DIP2C: variants seen among roughly 807,000 people sequenced by gnomAD.
The protein encoded by DIP2C is DIP2 acetate--CoA ligase C (putative).
DIP2C carries 33 observed loss-of-function variants against 192.4 expected under a neutral mutation model. The ratio of observed to expected loss-of-function variants is 0.17; its 90% CI spans 0.13 to 0.23. The LOEUF (loss-of-function observed/expected upper bound fraction) is 0.23. Among genes scored for constraint, DIP2C ranks in the 10% least tolerant of loss-of-function variants. The pLI is 1.00. For missense variants in DIP2C, 1,537 were observed against 2,110.1 expected (o/e 0.73, Z 5.32); for synonymous variants, 979 against 864.1 (o/e 1.13, Z -2.33).
At position 387,869 on chromosome 10, in the gene DIP2C, T is replaced by C. The variant is rs546980722; in HGVS notation, c.1598-60A>G. ...AGGACAGGGCGGCAACAGATCAAAA[T>C]GCAAACAAAATCCAATATTGCATCA... On this transcript the variant is annotated intron_variant, in intron 13 of 36. Coordinates refer to ENST00000280886, the MANE Select transcript of DIP2C (RefSeq NM_014974.3). 8 of 1,547,858 alleles carry C rather than the reference T, an allele frequency of 5.2e-6. No individual in the cohort carries two copies. In the Admixed American group the frequency reaches 1.0e-4, roughly 19 times the overall value.
chr10:557,960 C>T (rs933601080), intron 1 of DIP2C, among the ~76,000 whole-genome samples: 1 of 151,738 alleles, frequency 6.6e-6, no homozygotes. Flanking sequence ...GGGCTGGAGG[C>T]AGGAGGGATG....
chr10:612,925 T>C (rs770351485), intron 1 of DIP2C, among the ~76,000 whole-genome samples: 2 of 152,172 alleles, frequency 1.3e-5, no homozygotes, highest in Non-Finnish European at 2.9e-5. Context: ...TAAATGCATG[T>C]AAAATTTTAA....
chr10:417,613 T>TCCAC (rs1965735006), intron 6 of DIP2C, among the ~76,000 whole-genome samples: 1 of 149,910 alleles, frequency 6.7e-6, no homozygotes, highest in African/African-American at 2.5e-5. Flanking sequence ...GGCATCCCTG[T>TCCAC]CTGCCTGCGC....
chr10:293,961 C>T (rs1022221044), intron 32 of DIP2C, among the ~76,000 whole-genome samples: 1 of 152,140 alleles, frequency 6.6e-6, no homozygotes, highest in Admixed American at 6.5e-5. Context: ...AAATGAGCAA[C>T]GAGAGAAAAC....
chr10:419,012 C>T (rs1019399737), intron 6 of DIP2C, 53 bp downstream of exon 6: 26 of 1,611,880 alleles, frequency 1.6e-5, no homozygotes, highest in East Asian at 1.6e-4. Flanking sequence ...CGGAACGGGA[C>T]GTCAGCACAA....
At chr10:417,675 G>GCTCAA (rs1965768381) in intron 6 of DIP2C, among the ~76,000 whole-genome samples, 2 of 119,548 alleles carry the variant, frequency 1.7e-5, no homozygotes, top group African/African-American at 6.5e-5. Flanking sequence ...TCAGGGCTCG[G>GCTCAA]ATAGGCCTCC....
At chr10:593,297 C>T (rs1851508202) in intron 1 of DIP2C, among the ~76,000 whole-genome samples, 2 of 152,184 alleles carry the variant, frequency 1.3e-5, no homozygotes, top group Non-Finnish European at 2.9e-5. Flanking sequence ...AGCCTGCAAA[C>T]ACCCACGCCC....
intron 1 of DIP2C, among the ~76,000 whole-genome samples, chr10:491,036 C>CA (rs1844404375): frequency 6.6e-6 from 1 of 152,322 alleles, no homozygotes. Flanking sequence ...GTCTGCCTGG[C>CA]AAACGCAGGG....
intron 32 of DIP2C, among the ~76,000 whole-genome samples, chr10:302,256 C>G (rs72772832): frequency 0.014 from 2,172 of 152,244 alleles, 31 homozygotes; most frequent in Non-Finnish European, 0.022. Context: ...CCTAATGACT[C>G]TAGGAGTGGC....
intron 22 of DIP2C, among the ~76,000 whole-genome samples, chr10:360,374 G>T (rs979572793): frequency 3.3e-5 from 5 of 152,220 alleles, no homozygotes; most frequent in Admixed American, 3.3e-4. Context: ...CTACAGAGTT[G>T]AGAGGAATCC....
chr10:290,987 A>T (rs1955466018), intron 32 of DIP2C, among the ~76,000 whole-genome samples: 1 of 152,252 alleles, frequency 6.6e-6, no homozygotes, highest in Non-Finnish European at 1.5e-5. Context: ...GAGTTATAAA[A>T]GTGATGGGCA....
intron 1 of DIP2C, among the ~76,000 whole-genome samples, chr10:530,378 G>A (rs1000818655): frequency 6.6e-6 from 1 of 152,148 alleles, no homozygotes; most frequent in Non-Finnish European, 1.5e-5. Context: ...TGCCCATTTT[G>A]TAACTGCTGT....
intron 4 of DIP2C, among the ~76,000 whole-genome samples, chr10:423,639 C>T (rs1966366348): frequency 6.6e-6 from 1 of 152,016 alleles, no homozygotes; most frequent in South Asian, 2.1e-4. Flanking sequence ...TGATTTATTT[C>T]TACATTGGTG....
chr10:371,458 A>T (rs1320494052), intron 17 of DIP2C, among the ~76,000 whole-genome samples: 1 of 152,236 alleles, frequency 6.6e-6, no homozygotes, highest in Non-Finnish European at 1.5e-5. Flanking sequence ...ATGAGGTCAT[A>T]CTGGGTTAGA....
At chr10:414,242 T>G (rs1965386533) in intron 7 of DIP2C, 132 bp from the exon 8 acceptor site, 1 of 1,123,712 alleles carries the variant, frequency 8.9e-7, no homozygotes, top group African/African-American at 1.6e-5. Context: ...AAAAGCATGC[T>G]TTTCTAGAAT....
chr10:647,773 C>T lies in DIP2C; in HGVS notation c.85+41721G>A, dbSNP rs193251150. Among the ~76,000 whole-genome samples the T allele has an allele frequency of 2.4e-3, 351 of 148,440 alleles. 1 individual carries two copies. The highest frequency in any genetic ancestry group is 8.2e-3 in the African/African-American group (328 of 39,918). On this transcript the variant is annotated intron_variant, in intron 1 of 36. Coordinates refer to ENST00000280886, the MANE Select transcript of DIP2C (RefSeq NM_014974.3). The stretch of plus-strand genomic sequence containing the variant: ...GTCCACATTGGATGGTGGGAGAGAA[C>T]AGAGCAAAACTGAGTCCACGTCCAC...
intron 1 of DIP2C, among the ~76,000 whole-genome samples, chr10:524,967 C>A (rs374810600): frequency 1.7e-3 from 188 of 111,066 alleles, no homozygotes; most frequent in East Asian, 2.9e-3. Flanking sequence ...ATCACAATTT[C>A]AAAAAAAAAA....
At chr10:592,447 G>A (rs1178104790) in intron 1 of DIP2C, among the ~76,000 whole-genome samples, 2 of 152,262 alleles carry the variant, frequency 1.3e-5, no homozygotes, top group South Asian at 2.1e-4. Flanking sequence ...GATGAATGAC[G>A]GTTTGTTCCC....
intron 1 of DIP2C, among the ~76,000 whole-genome samples, chr10:554,051 G>C (rs1048429462): frequency 1.3e-5 from 2 of 151,642 alleles, no homozygotes; most frequent in Admixed American, 1.3e-4. Context: ...TAAGAGTGGC[G>C]AACAGGCAAG....
Sources: gnomAD v4.1 joint callset for allele counts (sites outside exome capture counted in the v4.1 genomes callset) on GRCh38, gnomAD v4.1.1 for gene constraint, MANE v1.5 for transcripts, NCBI Gene and HGNC (gene_info 2026-07-23, HGNC 2026-07-21) for gene names.